Variants in TENM3 observed in about 807,000 individuals in gnomAD.
The protein encoded by TENM3 is teneurin transmembrane protein 3, also known as teneurin-3.
A neutral mutation model predicts 255.1 loss-of-function variants in TENM3; 63 were observed. The observed-to-expected ratio is 0.25, with a 90% CI of 0.20 to 0.30. TENM3 has a LOEUF of 0.30. Ranked by LOEUF, TENM3 falls within the 10% of genes least tolerant of loss-of-function variation. The probability of loss-of-function intolerance (pLI) is 1.00; values close to 1 mark genes in which losing one functional copy is unlikely to be tolerated. For missense variants in TENM3, 2,929 were observed against 3,461.1 expected (o/e 0.85, Z 3.86); for synonymous variants, 1,306 against 1,322.3 (o/e 0.99, Z 0.27).
the TENM3 span, among the ~76,000 whole-genome samples, chr4:182,105,613 T>C: frequency 4.6e-5 from 7 of 152,172 alleles, no homozygotes; most frequent in African/African-American, 1.7e-4. Context: ...ACAGCTCTCA[T>C]TGTCTCCCTC....
chr4:181,651,297 C>T, the TENM3 span, among the ~76,000 whole-genome samples: 3 of 152,122 alleles, frequency 2.0e-5, no homozygotes, highest in East Asian at 3.9e-4. Flanking sequence ...TAAAAAGCAG[C>T]AGTGTATAAT....
chr4:181,859,900 AT>A, the TENM3 span, among the ~76,000 whole-genome samples: 9 of 152,030 alleles, frequency 5.9e-5, no homozygotes, highest in Non-Finnish European at 1.2e-4. Flanking sequence ...ATTATTTGTC[AT>A]TTTTTTCCTC....
the TENM3 span, among the ~76,000 whole-genome samples, chr4:181,847,788 T>C: frequency 6.6e-6 from 1 of 152,064 alleles, no homozygotes; most frequent in African/African-American, 2.4e-5. Context: ...TCCAAGCTTG[T>C]ATATTAGACC....
chr4:182,776,353 A>C (rs1006810285), intron 24 of TENM3, among the ~76,000 whole-genome samples: 1 of 152,206 alleles, frequency 6.6e-6, no homozygotes, highest in African/African-American at 2.4e-5. Flanking sequence ...CGGAGGTTGC[A>C]GTGAGTCGAG....
At position 182,688,245 on chromosome 4, in the gene TENM3, A is replaced by G; in HGVS notation, c.2115A>G (p.Pro705=). 1 of 1,613,950 alleles carries G rather than the reference A, an allele frequency of 6.2e-7. No homozygotes were observed. The highest frequency in any genetic ancestry group is 8.5e-7 in the Non-Finnish European group (1 of 1,179,858). The change falls in exon 12 of 28, where the codon CCA becomes CCG. Residue 705 remains proline (P), a synonymous_variant. Coordinates refer to ENST00000511685, the MANE Select transcript of TENM3 (RefSeq NM_001080477.4). ...GCTGTGAAGAAGGCTGGACGGGCCC[A>G]GCCTGTAATCAGAGAGCCTGCCACC... ...TCRCEEGWTG[P]ACNQRACHPR...
At chr4:182,611,723 C>G (rs1411747355) in intron 4 of TENM3, among the ~76,000 whole-genome samples, 1 of 152,152 alleles carries the variant, frequency 6.6e-6, no homozygotes. Context: ...AATATTCTCT[C>G]AGAACTAATA....
the TENM3 span, among the ~76,000 whole-genome samples, chr4:182,097,349 C>T: frequency 6.6e-6 from 1 of 152,174 alleles, no homozygotes; most frequent in Non-Finnish European, 1.5e-5. Flanking sequence ...CTCGGCTCTG[C>T]CCTCTGAAGT....
chr4:182,378,166 C>T (rs1306450188), intron 3 of TENM3, among the ~76,000 whole-genome samples: 2 of 152,088 alleles, frequency 1.3e-5, no homozygotes, highest in Admixed American at 6.5e-5. Flanking sequence ...GCAGTGAGCT[C>T]GGGTAAGTGT....
chr4:182,142,685 G>A (rs538057815), upstream of TENM3: 124 of 166,950 alleles, frequency 7.4e-4, no homozygotes, highest in Middle Eastern at 3.4e-3. Context: ...CGCTTCCAAG[G>A]ACAGGTTGGC....
At chr4:182,491,618 G>T (rs776201721) in intron 3 of TENM3, among the ~76,000 whole-genome samples, 1 of 152,118 alleles carries the variant, frequency 6.6e-6, no homozygotes, top group Non-Finnish European at 1.5e-5. Context: ...TTGAAACATG[G>T]TAGTGAAAAT....
chr4:182,490,390 T>C (rs1419658483), intron 3 of TENM3, among the ~76,000 whole-genome samples: 1 of 152,208 alleles, frequency 6.6e-6, no homozygotes, highest in Non-Finnish European at 1.5e-5. Flanking sequence ...TGGAATCATA[T>C]GAGGTCATTG....
intron 22 of TENM3, among the ~76,000 whole-genome samples, chr4:182,770,411 G>A (rs566237556): frequency 1.3e-5 from 2 of 152,210 alleles, no homozygotes; most frequent in South Asian, 2.1e-4. Flanking sequence ...CTCTGTGCTG[G>A]CCACTGTGCC....
intron 13 of TENM3, among the ~76,000 whole-genome samples, chr4:182,725,699 G>T (rs563207478): frequency 6.7e-6 from 1 of 148,376 alleles, no homozygotes; most frequent in African/African-American, 2.5e-5. Context: ...GCAGTGGCGC[G>T]ATCTCGGCTC....
the TENM3 span, among the ~76,000 whole-genome samples, chr4:181,518,327 T>A: frequency 6.6e-6 from 1 of 152,088 alleles, no homozygotes; most frequent in Non-Finnish European, 1.5e-5. Flanking sequence ...TTTAAAAATA[T>A]AATTAGATTT....
the TENM3 span, among the ~76,000 whole-genome samples, chr4:181,822,689 T>C: frequency 6.6e-6 from 1 of 152,216 alleles, no homozygotes; most frequent in African/African-American, 2.4e-5. Flanking sequence ...ATGACAAGTA[T>C]GTATGACACT....
chr4:181,480,447 G>A, the TENM3 span, among the ~76,000 whole-genome samples: 4 of 152,204 alleles, frequency 2.6e-5, no homozygotes, highest in African/African-American at 9.6e-5. Context: ...ATCAACGTTT[G>A]ATGTTAACCA....
At position 182,799,502 on chromosome 4, in the gene TENM3, G is replaced by A; in HGVS notation, c.7345-94G>A. On this transcript the variant is annotated intron_variant, in intron 27 of 27. Transcript: ENST00000511685. The surrounding 1 kb of genome is among the most constrained non-coding windows in gnomAD (Gnocchi z 4.2). ...GAAGGACCCCGGGGCTTCCATGCAT[G>A]CCCCGGCGCTGCCCCCAGAGTCCCG... 3.4e-6 allele frequency: 5 copies of A among 1,464,226 alleles called. No homozygotes were observed. Among genetic ancestry groups the A allele is most frequent in the Non-Finnish European group, 4.5e-6 (5 of 1,110,604 alleles). The allele number at this position is 1,464,226 out of a possible 1,614,324, so 90.7% of individuals were successfully genotyped here.
chr4:182,662,675 C>A (rs138365292), intron 6 of TENM3, among the ~76,000 whole-genome samples: 1 of 152,088 alleles, frequency 6.6e-6, no homozygotes, highest in Non-Finnish European at 1.5e-5. Flanking sequence ...CTTCTGAAGC[C>A]AAAGTTTTCT....
At chr4:182,439,955 T>G (rs923597602) in intron 3 of TENM3, among the ~76,000 whole-genome samples, 2 of 152,114 alleles carry the variant, frequency 1.3e-5, no homozygotes, top group Non-Finnish European at 2.9e-5. Context: ...TATGTAAGCA[T>G]CCACCAAGAT....
Sources: allele counts gnomAD v4.1 joint callset (sites outside exome capture counted in the v4.1 genomes callset), GRCh38; gene constraint gnomAD v4.1.1; non-coding constraint Gnocchi (gnomAD v3.1); transcripts MANE v1.5; gene names NCBI Gene and HGNC (gene_info 2026-07-23, HGNC 2026-07-21).